The following NFKBIB variants were observed in gnomAD, a reference collection of about 807,000 sequenced individuals.
NFKBIB encodes the protein NF-kappa-B inhibitor beta.
NFKBIB carries 16 observed loss-of-function variants against 32.1 expected under a neutral mutation model. The observed-to-expected ratio is 0.50, with a 90% CI of 0.34 to 0.76. The LOEUF is 0.76. Among genes scored for constraint, NFKBIB ranks in the 30% least tolerant of loss-of-function variants. NFKBIB has a pLI of 0.01. For synonymous variants in NFKBIB, 222 were observed against 219.5 expected, an observed-to-expected ratio of 1.01 and a Z score of -0.10; for missense variants, 437 against 514.9, an observed-to-expected ratio of 0.85 and a Z score of 1.46.
chr19:38,908,538 TAA>T (rs56371900), intron 5 of NFKBIB, 191 bp from the exon 6 acceptor site: 24,743 of 1,043,656 alleles, frequency 0.024, no homozygotes, highest in South Asian at 0.035. Context: ...GACTCCATCT[TAA>T]AAAAAAAAAA....
In NFKBIB at chr19:38,905,560, C is replaced by A; in HGVS notation, c.619+25C>A. On this transcript the variant is annotated intron_variant, in intron 3 of 5. Coordinates refer to ENST00000313582, the MANE Select transcript of NFKBIB (RefSeq NM_002503.5). This position sits in a 1 kb window ranked among gnomAD's most constrained non-coding sequence, Gnocchi z 5.5. ...GGTGAGGGTCGTCACCAGGGAAGGA[C>A]TCAGCTCCTGGGCTAGGCGAGAGCA... 6.4e-7 allele frequency: 1 copy of A among 1,564,688 alleles called. No individual in the cohort carries two copies. The highest frequency in any genetic ancestry group is 1.2e-5 in the South Asian group (1 of 83,860).
In NFKBIB at chr19:38,905,777, G is replaced by T. The variant is rs1974100418; in HGVS notation, c.619+242G>T. Among the ~76,000 whole-genome samples the T allele has an allele frequency of 6.6e-6, 1 of 151,996 alleles. No individual in the cohort carries two copies. The highest frequency in any genetic ancestry group is 1.5e-5 in the Non-Finnish European group (1 of 67,966). ...TTGGGATGCAGACCTGTCACCCACA[G>T]ACCCAGAGCTGCCAGGATCCAGTTG... is the stretch of plus-strand genomic sequence containing the variant. On this transcript the variant is annotated intron_variant, in intron 3 of 5. Coordinates refer to ENST00000313582, the MANE Select transcript of NFKBIB (RefSeq NM_002503.5). This position sits in a 1 kb window ranked among gnomAD's most constrained non-coding sequence, Gnocchi z 5.5.
In NFKBIB at chr19:38,907,596, G is replaced by A. The variant is rs1214405490; in HGVS notation, c.906G>A (p.Glu302=). 25 of 1,612,016 alleles carry A rather than the reference G, an allele frequency of 1.6e-5. No individual in the cohort carries two copies. Among genetic ancestry groups the A allele is most frequent in the Non-Finnish European group, 2.1e-5 (25 of 1,179,498 alleles). ...GTGCACACGGAGCCCCTGAGCCCGA[G>A]GGCGAGGACGAGAAATCCGGCCCCT... ...LLRAHGAPEP[E]GEDEKSGPCS... Residue 302 remains glutamate, a synonymous_variant, in exon 5 of 6, where the codon GAG becomes GAA. Transcript: ENST00000313582.
intron 1 of NFKBIB, among the ~76,000 whole-genome samples, chr19:38,900,827 C>T (rs1973930399): frequency 6.6e-6 from 1 of 152,128 alleles, no homozygotes; most frequent in African/African-American, 2.4e-5. Context: ...GTGATAAAGG[C>T]AGTGAAGAAA....
chr19:38,907,347 G>C, intron 4 of NFKBIB, 38 bp downstream of exon 4: 1 of 1,604,466 alleles, frequency 6.2e-7, no homozygotes, highest in Non-Finnish European at 8.5e-7. Flanking sequence ...GTCGGCGGGA[G>C]GGGGCTTGTC....
chr19:38,908,818 C>A lies in NFKBIB; in HGVS notation c.1057C>A (p.Pro353Thr). Residue 353 changes from proline to threonine, a missense_variant, in exon 6 of 6, where the codon CCC becomes ACC. Coordinates refer to ENST00000313582, the MANE Select transcript of NFKBIB (RefSeq NM_002503.5). ...TPASKPLPDD[P>T]RPV Reference sequence around the variant, plus strand: ...AGCCTCAAAACCTCTTCCTGACGACCCCCGCCCCGTGTGATTTGTTTCATT... The same window carrying A: ...AGCCTCAAAACCTCTTCCTGACGACACCCGCCCCGTGTGATTTGTTTCATT... 1 of 1,610,796 alleles carries A rather than the reference C, an allele frequency of 6.2e-7. No individual in the cohort carries two copies. Among genetic ancestry groups the A allele is most frequent in the Non-Finnish European group, 8.5e-7 (1 of 1,179,210 alleles).
Position 38,905,930 on chromosome 19 carries a change from G to A in NFKBIB, c.619+395G>A, listed in dbSNP as rs181015437. Among the ~76,000 whole-genome samples the A allele has an allele frequency of 6.6e-6, 1 of 152,162 alleles. No homozygotes were observed. Among genetic ancestry groups the A allele is most frequent in the Admixed American group, 6.5e-5 (1 of 15,272 alleles). On this transcript the variant is annotated intron_variant, in intron 3 of 5. Transcript: ENST00000313582. The surrounding 1 kb of genome is among the most constrained non-coding windows in gnomAD (Gnocchi z 5.5). ...CAGGCTCCCAGCAATGGGCAGCAGG[G>A]TTCAGAGACAGCCCTCCTCAGCCTC...
chr19:38,907,379 T>C lies in NFKBIB; in HGVS notation c.709-20T>C. The C allele has an allele frequency of 1.3e-6, 2 of 1,590,288 alleles. No individual in the cohort carries two copies. The highest frequency in any genetic ancestry group is 8.6e-7 in the Non-Finnish European group (1 of 1,163,868). On this transcript the variant is annotated intron_variant, in intron 4 of 5. Transcript: ENST00000313582. The stretch of plus-strand genomic sequence containing the variant: ...TGTCCCCTCTTCGGGCCCTCTGACC[T>C]TTCTGTTGCACCCCCACAGGAGCCC...
In NFKBIB at chr19:38,905,378, C is replaced by T. The variant is rs11551803; in HGVS notation, c.462C>T (p.Pro154=). 4 of 1,613,200 alleles carry T rather than the reference C, an allele frequency of 2.5e-6. No homozygotes were observed. The Admixed American group carries it at 5.0e-5, about 20-fold the overall frequency. ...RALLQPRPRR[P]REAPDTYLAQ... ...TGCTTCAGCCCCGCCCCCGGCGCCC[C>T]AGGGAAGCCCCCGACACCTACCTCG... Residue 154 remains proline, a synonymous_variant, in exon 3 of 6, where the codon CCC becomes CCT. Transcript: ENST00000313582. The surrounding 1 kb of genome is among the most constrained non-coding windows in gnomAD (Gnocchi z 5.5).
chr19:38,905,609 T>C lies in NFKBIB; in HGVS notation c.619+74T>C. The C allele has an allele frequency of 8.1e-7, 1 of 1,232,582 alleles. No homozygotes were observed. The highest frequency in any genetic ancestry group is 2.4e-5 in the Admixed American group (1 of 42,528). 76.4% of individuals were successfully genotyped at this position (1,232,582 alleles called of 1,614,324 possible). Reference sequence around the variant, plus strand: ...CACCTGGCCCTGGGCTCAGCTTCCCTGATTTGAGACTGAGCTCCTTGGGAA... The same window carrying C: ...CACCTGGCCCTGGGCTCAGCTTCCCCGATTTGAGACTGAGCTCCTTGGGAA... On this transcript the variant is annotated intron_variant, in intron 3 of 5. Transcript: ENST00000313582. The surrounding 1 kb of genome is among the most constrained non-coding windows in gnomAD (Gnocchi z 5.5).
At position 38,902,085 on chromosome 19, in the gene NFKBIB, C is replaced by CTTTTTTTTTTTTTTTTTTTTT. The variant is rs74176475; in HGVS notation, c.179+1887_179+1888insTTTTTTTTTTTTTTTTTTTTT. On this transcript the variant is annotated intron_variant, in intron 1 of 5. Transcript: ENST00000313582. ...CTGTATAGTGTTTTTCATTTTATTT[C>CTTTTTTTTTTTTTTTTTTTTT]TTTTTTTTTTTTTGAGATGGAGTCT... Among the ~76,000 whole-genome samples the CTTTTTTTTTTTTTTTTTTTTT allele has an allele frequency of 2.0e-3, 185 of 92,346 alleles. 12 individuals are homozygous for CTTTTTTTTTTTTTTTTTTTTT. The highest frequency in any genetic ancestry group is 2.3e-3 in the African/African-American group (58 of 25,486). The allele number at this position is 92,346 out of a possible 152,430, so 60.6% of individuals were successfully genotyped here.
rs371423502 is a variant in NFKBIB at position 38,905,370 on chromosome 19, C to T, written c.454C>T (p.Arg152Trp). The T allele has an allele frequency of 4.4e-5, 71 of 1,612,650 alleles. No individual in the cohort carries two copies. Among genetic ancestry groups the T allele is most frequent in the East Asian group, 1.8e-4 (8 of 44,874 alleles). ...CARALLQPRP[R>W]RPREAPDTYL... ...CCGTGCCCTGCTTCAGCCCCGCCCC[C>T]GGCGCCCCAGGGAAGCCCCCGACAC... The change falls in exon 3 of 6, where the codon CGG (arginine) becomes TGG (tryptophan). Residue 152 changes from arginine to tryptophan, a missense_variant. Arg to Trp is a moderately radical substitution (Grantham distance 101). Transcript: ENST00000313582. This position sits in a 1 kb window ranked among gnomAD's most constrained non-coding sequence, Gnocchi z 5.5.
At chr19:38,908,098 G>A in intron 5 of NFKBIB, 1 of 1,025,330 alleles carries the variant, frequency 9.8e-7, no homozygotes, top group South Asian at 4.0e-5. Context: ...CAGCAATACA[G>A]ATCCGTCCTT....
In NFKBIB at chr19:38,905,824, C is replaced by A. The variant is rs1236734311; in HGVS notation, c.619+289C>A. Among the ~76,000 whole-genome samples the A allele has an allele frequency of 6.6e-6, 1 of 152,152 alleles. No homozygotes were observed. The highest frequency in any genetic ancestry group is 1.9e-4 in the East Asian group (1 of 5,190). ...GTTGTCGGGCCCCCGGGCTCCCCAC[C>A]TGCAGAGTGTATTGCAGACCCCTAC... On this transcript the variant is annotated intron_variant, in intron 3 of 5. Transcript: ENST00000313582. This position sits in a 1 kb window ranked among gnomAD's most constrained non-coding sequence, Gnocchi z 5.5.
At chr19:38,908,400 G>A (rs1012801809) in intron 5 of NFKBIB, 23 of 778,806 alleles carry the variant, frequency 3.0e-5, no homozygotes, top group Middle Eastern at 1.1e-3. Flanking sequence ...TTAGCTGGGC[G>A]TGGTGGCGCA....
In NFKBIB at chr19:38,900,004, T is replaced by C. The variant is rs757952537; in HGVS notation, c.-29T>C. 5 of 1,443,592 alleles carry C rather than the reference T, an allele frequency of 3.5e-6. No homozygotes were observed. The highest frequency in any genetic ancestry group is 1.4e-5 in the African/African-American group (1 of 69,862). 89.4% of individuals were successfully genotyped at this position (1,443,592 alleles called of 1,614,324 possible). On this transcript the variant is annotated 5_prime_UTR_variant, in exon 1 of 6. Coordinates refer to ENST00000313582, the MANE Select transcript of NFKBIB (RefSeq NM_002503.5). ...CAAAGCCCAGCTACAGGCGGGCGAC[T>C]GCGGGGGGCCCCTGAGGCGGCGGGG...
chr19:38,900,154 G>T lies in NFKBIB; in HGVS notation c.122G>T (p.Gly41Val). 1 of 1,600,502 alleles carries T rather than the reference G, an allele frequency of 6.2e-7. No homozygotes were observed. Among genetic ancestry groups the T allele is most frequent in the Non-Finnish European group, 8.5e-7 (1 of 1,175,708 alleles). ...PGGPGLGAEL[G>V]PGLSWAPLVF... ...GGACCTGGGTTGGGCGCGGAGTTGGGCCCGGGGCTGTCGTGGGCTCCCCTC... is the reference window on the plus strand; with the variant it reads ...GGACCTGGGTTGGGCGCGGAGTTGGTCCCGGGGCTGTCGTGGGCTCCCCTC... Residue 41 changes from glycine to valine, a missense_variant, in exon 1 of 6, where the codon GGC becomes GTC. Physicochemically the swap from Gly to Val is moderately radical, Grantham distance 109. Transcript: ENST00000313582.
chr19:38,902,236 T>A (rs1420443602), intron 1 of NFKBIB, among the ~76,000 whole-genome samples: 2 of 151,876 alleles, frequency 1.3e-5, no homozygotes, highest in Non-Finnish European at 2.9e-5. Flanking sequence ...ACCTGCCACT[T>A]CGCCTGGCTA....
In NFKBIB at chr19:38,905,621, G is replaced by A; in HGVS notation, c.619+86G>A. On this transcript the variant is annotated intron_variant, in intron 3 of 5. Coordinates refer to ENST00000313582, the MANE Select transcript of NFKBIB (RefSeq NM_002503.5). The surrounding 1 kb of genome is among the most constrained non-coding windows in gnomAD (Gnocchi z 5.5). ...GGCTCAGCTTCCCTGATTTGAGACT[G>A]AGCTCCTTGGGAAATCATGCCTAGG... 1 of 1,092,912 alleles carries A rather than the reference G, an allele frequency of 9.1e-7. No homozygotes were observed. Among genetic ancestry groups the A allele is most frequent in the Non-Finnish European group, 1.3e-6 (1 of 760,282 alleles). The allele number at this position is 1,092,912 out of a possible 1,614,324, so 67.7% of individuals were successfully genotyped here.
Sources: gnomAD v4.1 joint callset for allele counts (sites outside exome capture counted in the v4.1 genomes callset) on GRCh38, gnomAD v4.1.1 for gene constraint, Gnocchi (gnomAD v3.1) non-coding constraint, MANE v1.5 for transcripts, NCBI Gene and HGNC (gene_info 2026-07-23, HGNC 2026-07-21) for gene names.